The following TENM3 variants were observed in gnomAD, a reference collection of about 807,000 sequenced individuals.
TENM3 encodes the protein teneurin-3.
In TENM3, 63 loss-of-function variants were observed where a neutral mutation model predicts 255.1. The ratio of observed to expected loss-of-function variants is 0.25; its 90% CI spans 0.20 to 0.30. The LOEUF (loss-of-function observed/expected upper bound fraction) is 0.30. Among genes scored for constraint, TENM3 ranks in the 10% least tolerant of loss-of-function variants. TENM3 has a pLI of 1.00. For missense variants in TENM3, 2,929 were observed against 3,461.1 expected (o/e 0.85, Z 3.86); for synonymous variants, 1,306 against 1,322.3 (o/e 0.99, Z 0.27).
chr4:181,875,025 C>T, the TENM3 span, among the ~76,000 whole-genome samples: 1 of 152,146 alleles, frequency 6.6e-6, no homozygotes, highest in African/African-American at 2.4e-5. Context: ...CCAGTTATTC[C>T]CTCATGGCCA....
At chr4:182,288,988 G>A (rs1192385004) in intron 1 of TENM3, among the ~76,000 whole-genome samples, 4 of 152,202 alleles carry the variant, frequency 2.6e-5, no homozygotes, top group Middle Eastern at 3.2e-3. Flanking sequence ...ACTTTGGGAG[G>A]TTGAGGCAGG....
chr4:182,539,293 A>C (rs184489406), intron 3 of TENM3, among the ~76,000 whole-genome samples: 1 of 151,936 alleles, frequency 6.6e-6, no homozygotes, highest in East Asian at 2.0e-4. Context: ...ATCAAACATC[A>C]AGAAAGATGA....
chr4:181,823,259 G>C, the TENM3 span, among the ~76,000 whole-genome samples: 251 of 152,228 alleles, frequency 1.6e-3, 1 homozygote, highest in African/African-American at 5.8e-3. Flanking sequence ...GAATACATGA[G>C]TCTTCTTTTT....
chr4:182,363,270 G>A (rs1312826355), intron 3 of TENM3, among the ~76,000 whole-genome samples: 1 of 151,848 alleles, frequency 6.6e-6, no homozygotes, highest in African/African-American at 2.4e-5. Context: ...CTTGATGTGA[G>A]TATGTGATAT....
chr4:182,661,445 T>C (rs966232863), intron 6 of TENM3, among the ~76,000 whole-genome samples: 1 of 152,106 alleles, frequency 6.6e-6, no homozygotes, highest in African/African-American at 2.4e-5. Context: ...ATTCGAGAAA[T>C]GGAGCTGACA....
the TENM3 span, among the ~76,000 whole-genome samples, chr4:181,810,696 G>C: frequency 5.9e-5 from 9 of 152,064 alleles, no homozygotes; most frequent in Admixed American, 4.6e-4. Context: ...TGTAAACACG[G>C]ATCCACAGGA....
At chr4:181,896,762 C>T in the TENM3 span, among the ~76,000 whole-genome samples, 1 of 152,192 alleles carries the variant, frequency 6.6e-6, no homozygotes, top group Admixed American at 6.5e-5. Flanking sequence ...TCTCAGTAGA[C>T]ACCAGCTTAC....
the TENM3 span, among the ~76,000 whole-genome samples, chr4:181,915,094 A>C: frequency 4.1e-4 from 63 of 152,284 alleles, no homozygotes; most frequent in African/African-American, 1.4e-3. Context: ...AGGCCACACT[A>C]GGAGATCAGG....
intron 3 of TENM3, among the ~76,000 whole-genome samples, chr4:182,467,410 C>G (rs964460499): frequency 4.6e-5 from 7 of 152,158 alleles, no homozygotes; most frequent in Non-Finnish European, 1.0e-4. Context: ...AATACCAAAA[C>G]TGATATCCAT....
At chr4:181,829,997 T>A in the TENM3 span, 1 of 152,182 alleles carries the variant, frequency 6.6e-6, no homozygotes, top group Non-Finnish European at 1.5e-5. Context: ...GCTTCTGGGG[T>A]CCCTGGAGAC....
intron 1 of TENM3, among the ~76,000 whole-genome samples, chr4:182,274,125 G>T (rs1194338980): frequency 6.6e-6 from 1 of 152,210 alleles, no homozygotes; most frequent in Non-Finnish European, 1.5e-5. Flanking sequence ...AGACTTCAAA[G>T]AAAGTAGAAA....
chr4:182,456,272 A>T (rs1168912126), intron 3 of TENM3, among the ~76,000 whole-genome samples: 1 of 152,198 alleles, frequency 6.6e-6, no homozygotes, highest in African/African-American at 2.4e-5. Flanking sequence ...CTCTGTCATC[A>T]AACAACACAG....
chr4:182,551,858 CA>C (rs560708278), intron 3 of TENM3, among the ~76,000 whole-genome samples: 5 of 151,690 alleles, frequency 3.3e-5, no homozygotes, highest in Non-Finnish European at 5.9e-5. Flanking sequence ...CCCATCCCTA[CA>C]AAAAATAACT....
At chr4:182,060,091 C>T in the TENM3 span, among the ~76,000 whole-genome samples, 5,038 of 152,052 alleles carry the variant, frequency 0.033, 267 homozygotes, top group African/African-American at 0.11. Context: ...GTACAAAAAT[C>T]AGCAGGGTGG....
intron 3 of TENM3, among the ~76,000 whole-genome samples, chr4:182,473,427 A>G (rs975582541): frequency 2.0e-5 from 3 of 152,216 alleles, no homozygotes; most frequent in Non-Finnish European, 4.4e-5. Flanking sequence ...TAATCCCAGC[A>G]CTTTGGGAGG....
At chr4:181,486,881 CCTT>C in the TENM3 span, among the ~76,000 whole-genome samples, 1 of 152,082 alleles carries the variant, frequency 6.6e-6, no homozygotes, top group African/African-American at 2.4e-5. Flanking sequence ...GTTAATGAAT[CCTT>C]CTAGGTTAAA....
the TENM3 span, among the ~76,000 whole-genome samples, chr4:181,863,007 A>G: frequency 6.6e-6 from 1 of 152,302 alleles, no homozygotes. Flanking sequence ...TTTCACAAAT[A>G]CGCATGAAAA....
At chr4:181,596,847 C>T in the TENM3 span, among the ~76,000 whole-genome samples, 5 of 152,056 alleles carry the variant, frequency 3.3e-5, no homozygotes, top group African/African-American at 1.2e-4. Context: ...AACCAAATAC[C>T]ACATGTTGTC....
chr4:181,784,245 AT>A, the TENM3 span, among the ~76,000 whole-genome samples: 1 of 151,678 alleles, frequency 6.6e-6, no homozygotes, highest in Non-Finnish European at 1.5e-5. Context: ...TGTTTGTCGA[AT>A]TTTTGTTTTT....
Sources: gnomAD v4.1 joint callset for allele counts (sites outside exome capture counted in the v4.1 genomes callset) on GRCh38, gnomAD v4.1.1 for gene constraint, MANE v1.5 for transcripts, NCBI Gene and HGNC (gene_info 2026-07-23, HGNC 2026-07-21) for gene names.